SDE2: variants seen among roughly 807,000 people sequenced by gnomAD.
The protein encoded by SDE2 is splicing regulator SDE2.
SDE2 carries 31 observed loss-of-function variants against 46.9 expected under a neutral mutation model. The ratio of observed to expected loss-of-function variants is 0.66; its 90% confidence interval spans 0.50 to 0.89. The LOEUF (loss-of-function observed/expected upper bound fraction) is 0.89, where lower values mean the gene tolerates loss of function less well. Among genes scored for constraint, SDE2 ranks in the 40% least tolerant of loss-of-function variants. The pLI is 0.00. For synonymous variants in SDE2, 205 were observed against 204.3 expected (o/e 1.00, Z -0.03); for missense variants, 542 against 564.4 (o/e 0.96, Z 0.40).
chr1:225,990,235 C>G (rs1656368182), intron 5 of SDE2, among the ~76,000 whole-genome samples: 1 of 152,142 alleles, frequency 6.6e-6, no homozygotes, highest in Non-Finnish European at 1.5e-5. Context: ...GAATGAACTA[C>G]TGATACATAC....
intron 6 of SDE2, among the ~76,000 whole-genome samples, chr1:225,987,583 G>T (rs1235246068): frequency 6.6e-6 from 1 of 151,980 alleles, no homozygotes; most frequent in African/African-American, 2.4e-5. Context: ...GTATTACTAA[G>T]AATAAACAAT....
rs1445077858 is a variant in SDE2, at chr1:225,988,210, T to TATTCACTACTCTCGCCC, written c.803_819dup (p.Thr274GlyfsTer4). 1.2e-6 allele frequency: 2 copies of TATTCACTACTCTCGCCC among 1,614,212 alleles called. No homozygotes were observed. The highest frequency in any genetic ancestry group is 1.7e-6 in the Non-Finnish European group (2 of 1,180,034). ...AGTTGTTCTGGTGATCCATGGTCTGTATTCACTACTCTCGCCCTCTGAGAA... is the reference window on the plus strand; with the variant it reads ...AGTTGTTCTGGTGATCCATGGTCTGTATTCACTACTCTCGCCCATTCACTACTCTCGCCCTCTGAGAA... On this transcript the variant is annotated stop_gained and frameshift_variant, in exon 6 of 7. Coordinates refer to ENST00000272091, the MANE Select transcript of SDE2 (RefSeq NM_152608.4). LOFTEE classifies it high-confidence loss of function.
intron 6 of SDE2, among the ~76,000 whole-genome samples, chr1:225,987,641 A>G (rs1656296098): frequency 6.6e-6 from 1 of 152,218 alleles, no homozygotes; most frequent in African/African-American, 2.4e-5. Flanking sequence ...TAGACATGCT[A>G]AAATGTGGAA....
Position 225,988,266 on chromosome 1 carries a change from C to T in SDE2, c.764G>A (p.Gly255Asp), listed in dbSNP as rs141939942. 6.2e-7 allele frequency: 1 copy of T among 1,614,212 alleles called. No individual in the cohort carries two copies. Among genetic ancestry groups the T allele is most frequent in the East Asian group, 2.2e-5 (1 of 44,884 alleles). ...GFHAPKIGSN[G>D]VEMAAKFPSG... ...GGGAAATTTGGCTGCCATCTCGACA[C>T]CATTGCTACCAATTTTTGGAGCATG... The change falls in exon 6 of 7, where the codon GGT becomes GAT. Residue 255 changes from glycine to aspartate, a missense_variant. This residue lies in a region of SDE2 where 401 missense variants were observed against 437.8 expected (regional missense o/e 0.92). Transcript: ENST00000272091.
rs532873318 is a variant in SDE2 at position 225,988,033 on chromosome 1, C to T, written c.997G>A (p.Glu333Lys). Residue 333 changes from glutamate to lysine, a missense_variant, in exon 6 of 7, where the codon GAG becomes AAG. Glu to Lys is a moderately conservative substitution (Grantham distance 56, BLOSUM62 1). Around this residue, in one of 3 missense-constraint regions of SDE2, gnomAD observed 401 missense variants for 437.8 expected, o/e 0.92. Coordinates refer to ENST00000272091, the MANE Select transcript of SDE2 (RefSeq NM_152608.4). ...TTATTCAGTCCAGCCCCAGTGGGCT[C>T]CTCTTCTATGGGTTCTTTACTCTCT... ...KAESKEPIEE[E>K]PTGAGLNKDK... The T allele has an allele frequency of 1.9e-6, 3 of 1,614,210 alleles. No individual in the cohort carries two copies. The highest frequency in any genetic ancestry group is 1.6e-4 in the Middle Eastern group (1 of 6,062).
At chr1:225,997,697 T>C (rs928166497) in intron 1 of SDE2, among the ~76,000 whole-genome samples, 10 of 152,218 alleles carry the variant, frequency 6.6e-5, no homozygotes, top group East Asian at 3.9e-4. Flanking sequence ...TCCCTAAGTG[T>C]TGGAATTACA....
Position 225,984,341 on chromosome 1 carries a change from T to G in SDE2, c.*961A>C, listed in dbSNP as rs908380850. The G allele has an allele frequency of 9.2e-5, 14 of 151,666 alleles. 1 individual carries two copies. Among genetic ancestry groups the G allele is most frequent in the Admixed American group, 9.2e-4 (14 of 15,238 alleles). The allele number at this position is 151,666 out of a possible 1,614,324, so 9.4% of individuals were successfully genotyped here. On this transcript the variant is annotated 3_prime_UTR_variant, in exon 7 of 7. Coordinates refer to ENST00000272091, the MANE Select transcript of SDE2 (RefSeq NM_152608.4). ...AACTAAAGTAATGCTTAAAAGAAAATGTATAGCTTTAAATATGTATTTTAA... is the reference window on the plus strand; with the variant it reads ...AACTAAAGTAATGCTTAAAAGAAAAGGTATAGCTTTAAATATGTATTTTAA...
Position 225,991,294 on chromosome 1 carries a change from G to A in SDE2, c.590C>T (p.Thr197Ile), listed in dbSNP as rs2102703751. 6.2e-7 allele frequency: 1 copy of A among 1,613,830 alleles called. No homozygotes were observed. The highest frequency in any genetic ancestry group is 8.5e-7 in the Non-Finnish European group (1 of 1,179,760). ...ISENRKRQWP[T>I]KSQTDRGASA... ...GGCTCCTCTGTCTGTTTGAGATTTA[G>A]TAGGCCATTGCCGTTTCCGATTCTC... The change falls in exon 5 of 7, where the codon ACT becomes ATT. Residue 197 changes from threonine (T) to isoleucine (I), a missense_variant. Around this residue, in one of 3 missense-constraint regions of SDE2, gnomAD observed 401 missense variants for 437.8 expected, o/e 0.92. Coordinates refer to ENST00000272091, the MANE Select transcript of SDE2 (RefSeq NM_152608.4).
intron 1 of SDE2, among the ~76,000 whole-genome samples, chr1:225,996,069 G>C (rs1270205608): frequency 1.3e-5 from 2 of 152,140 alleles, no homozygotes; most frequent in African/African-American, 4.8e-5. Context: ...TATGGAGACT[G>C]AGCTATGTGA....
Position 225,999,287 on chromosome 1 carries a change from C to G in SDE2, c.26G>C (p.Trp9Ser), listed in dbSNP as rs968343439. MAEAAALV[W>S]IRGPGFGCKA... Reference sequence around the variant, plus strand: ...GCACCCGAAGCCAGGGCCGCGAATCCACACCAGCGCCGCGGCCTCCGCCAT... The same window carrying G: ...GCACCCGAAGCCAGGGCCGCGAATCGACACCAGCGCCGCGGCCTCCGCCAT... The change falls in exon 1 of 7, where the codon TGG (tryptophan) becomes TCG (serine). Residue 9 changes from tryptophan (W) to serine (S), a missense_variant. Physicochemically the swap from Trp to Ser is radical, Grantham distance 177 (BLOSUM62 -3). This residue lies in a region of SDE2 where 135 missense variants were observed against 106.5 expected (regional missense o/e 1.27). Coordinates refer to ENST00000272091, the MANE Select transcript of SDE2 (RefSeq NM_152608.4). 26 of 1,611,948 alleles carry G rather than the reference C, an allele frequency of 1.6e-5. No individual in the cohort carries two copies. The highest frequency in any genetic ancestry group is 3.3e-5 in the Admixed American group (2 of 59,796).
chr1:225,990,361 A>C (rs1351336625), intron 5 of SDE2, among the ~76,000 whole-genome samples: 1 of 152,204 alleles, frequency 6.6e-6, no homozygotes, highest in East Asian at 1.9e-4. Flanking sequence ...ACTGGTGACC[A>C]ATGGTTGCCA....
intron 1 of SDE2, 99 bp downstream of exon 1, chr1:225,999,094 G>C: frequency 1.1e-6 from 1 of 937,020 alleles, no homozygotes; most frequent in Non-Finnish European, 1.7e-6. Flanking sequence ...GAAAACCCCA[G>C]AGAATAAACG....
At chr1:225,985,584 T>C (rs761837905) in intron 6 of SDE2, 61 bp from the exon 7 acceptor site, 15 of 1,053,906 alleles carry the variant, frequency 1.4e-5, no homozygotes, top group Non-Finnish European at 2.0e-5. Context: ...AAAGACTCTT[T>C]AACTGTCAAC....
rs746511692 is a variant in SDE2 at position 225,999,282 on chromosome 1, G to T, written c.31C>A (p.Arg11Ser). 1.2e-6 allele frequency: 2 copies of T among 1,612,116 alleles called. No homozygotes were observed. Among genetic ancestry groups the T allele is most frequent in the Non-Finnish European group, 1.7e-6 (2 of 1,179,366 alleles). Reference sequence around the variant, plus strand: ...GCCTTGCACCCGAAGCCAGGGCCGCGAATCCACACCAGCGCCGCGGCCTCC... The same window carrying T: ...GCCTTGCACCCGAAGCCAGGGCCGCTAATCCACACCAGCGCCGCGGCCTCC... MAEAAALVWI[R>S]GPGFGCKAVR... The change falls in exon 1 of 7, where the codon CGC becomes AGC. Residue 11 changes from arginine to serine, a missense_variant. Physicochemically the swap from Arg to Ser is moderately radical, Grantham distance 110. This residue lies in a region of SDE2 where 135 missense variants were observed against 106.5 expected (regional missense o/e 1.27). Coordinates refer to ENST00000272091, the MANE Select transcript of SDE2 (RefSeq NM_152608.4).
intron 5 of SDE2, among the ~76,000 whole-genome samples, chr1:225,988,913 A>G (rs775304569): frequency 2.6e-5 from 4 of 152,188 alleles, no homozygotes; most frequent in Non-Finnish European, 4.4e-5. Flanking sequence ...TCTCCTTTCT[A>G]AAGTCCTGAA....
At chr1:225,993,113 TTC>T (rs869081038) in intron 2 of SDE2, 111 bp from the exon 3 acceptor site, 5,564 of 172,092 alleles carry the variant, frequency 0.032, 9 homozygotes, top group East Asian at 0.066. Flanking sequence ...TCTACTTTCT[TTC>T]TTTTTTTTTT....
chr1:225,994,165 C>T (rs1390481203), intron 2 of SDE2, among the ~76,000 whole-genome samples: 5 of 152,032 alleles, frequency 3.3e-5, no homozygotes, highest in Non-Finnish European at 7.4e-5. Context: ...CAGCCTCCAC[C>T]TCCAAGGTTC....
At chr1:225,997,696 G>A (rs1380551967) in intron 1 of SDE2, among the ~76,000 whole-genome samples, 6 of 152,160 alleles carry the variant, frequency 3.9e-5, no homozygotes. Context: ...CTCCCTAAGT[G>A]TTGGAATTAC....
Position 225,985,429 on chromosome 1 carries a change from G to C in SDE2, c.1229C>G (p.Ala410Gly), listed in dbSNP as rs779847245. 6.2e-7 allele frequency: 1 copy of C among 1,614,000 alleles called. No homozygotes were observed. Among genetic ancestry groups the C allele is most frequent in the Non-Finnish European group, 8.5e-7 (1 of 1,179,884 alleles). Residue 410 changes from alanine (A) to glycine (G), a missense_variant, in exon 7 of 7, where the codon GCC becomes GGC. Physicochemically the swap from Ala to Gly is moderately conservative, Grantham distance 60. Transcript: ENST00000272091. ...AGTGCCCCCACATTTCAGTCCAAGGGCCATCAGTTCACATTTGAGCTTCTC... is the reference window on the plus strand; with the variant it reads ...AGTGCCCCCACATTTCAGTCCAAGGCCCATCAGTTCACATTTGAGCTTCTC... ...GLEKLKCELMALGLKCGGTLQ... is the reference protein window; with the variant it reads ...GLEKLKCELMGLGLKCGGTLQ...
Sources: allele counts gnomAD v4.1 joint callset (sites outside exome capture counted in the v4.1 genomes callset), GRCh38; gene constraint gnomAD v4.1.1; regional missense constraint gnomAD v4.1.1; transcripts MANE v1.5; gene names NCBI Gene and HGNC (gene_info 2026-07-23, HGNC 2026-07-21).